MRNIP: variants seen among roughly 807,000 people sequenced by gnomAD.
MRNIP encodes the protein MRN complex interacting protein.
In MRNIP, 30 loss-of-function variants were observed where a neutral mutation model predicts 29.8. The ratio of observed to expected loss-of-function variants is 1.01; its 90% CI spans 0.75 to 1.36. The LOEUF (loss-of-function observed/expected upper bound fraction) is 1.36, where lower values mean the gene tolerates loss of function less well. MRNIP is among the 40% of genes most tolerant of loss of function. MRNIP has a pLI of 0.00. For missense variants in MRNIP, 459 were observed against 423.5 expected (o/e 1.08, Z -0.74); for synonymous variants, 201 against 164.1 (o/e 1.23, Z -1.72).
Position 179,853,445 on chromosome 5 carries a change from G to C in MRNIP, c.67-8C>G, listed in dbSNP as rs1450847453. The C allele has an allele frequency of 6.2e-7, 1 of 1,601,332 alleles. No homozygotes were observed. The highest frequency in any genetic ancestry group is 8.5e-7 in the Non-Finnish European group (1 of 1,171,246). On this transcript the variant is annotated splice_region_variant and splice_polypyrimidine_tract_variant and intron_variant, in intron 1 of 6. Coordinates refer to ENST00000292586, the MANE Select transcript of MRNIP (RefSeq NM_016175.4). ...CTTGACACTCTTTTTTACCTGCAAT[G>C]AAATTTCAGAAATACAACTCAGATA...
chr5:179,838,348 G>C (rs1758710580), intron 6 of MRNIP: 1 of 178,332 alleles, frequency 5.6e-6, no homozygotes, highest in Admixed American at 5.4e-5. Context: ...CTGGGGTCTG[G>C]CTTCTCTCAC....
At chr5:179,852,137 T>C (rs973695048) in intron 2 of MRNIP, among the ~76,000 whole-genome samples, 14 of 151,462 alleles carry the variant, frequency 9.2e-5, no homozygotes, top group Non-Finnish European at 1.9e-4. Flanking sequence ...AAAAAACAAA[T>C]TAGCTGGGTG....
rs1368150911 is a variant in MRNIP, at chr5:179,837,574, G to A, written c.849C>T (p.Val283=). 1.2e-6 allele frequency: 2 copies of A among 1,614,188 alleles called. No individual in the cohort carries two copies. Among genetic ancestry groups the A allele is most frequent in the Admixed American group, 3.3e-5 (2 of 60,036 alleles). ...CGGGGTGTGTGGCCCGAGGAAGCTG[G>A]ACAGCGGCAGTGGGCCTGCTGAGGC... ...REGLSRPTAA[V]QLPRATHPVT... The change falls in exon 7 of 7, where the codon GTC becomes GTT. Residue 283 remains valine, a synonymous_variant. Coordinates refer to ENST00000292586, the MANE Select transcript of MRNIP (RefSeq NM_016175.4).
At chr5:179,857,436 G>A (rs1198856378) in intron 1 of MRNIP, among the ~76,000 whole-genome samples, 1 of 152,000 alleles carries the variant, frequency 6.6e-6, no homozygotes, top group African/African-American at 2.4e-5. Context: ...ACTCCAGCCT[G>A]GCGACAGAGT....
At chr5:179,855,027 G>C (rs1227872042) in intron 1 of MRNIP, among the ~76,000 whole-genome samples, 1 of 152,138 alleles carries the variant, frequency 6.6e-6, no homozygotes, top group Non-Finnish European at 1.5e-5. Context: ...AATTATAAAG[G>C]AGCGGAAAAC....
intron 6 of MRNIP, chr5:179,840,668 G>A (rs1207240619): frequency 1.7e-6 from 1 of 604,662 alleles, no homozygotes; most frequent in African/African-American, 1.9e-5. Context: ...TTACCCTCAT[G>A]GGAGACGAGA....
At position 179,844,132 on chromosome 5, in the gene MRNIP, C is replaced by T. The variant is rs898643820; in HGVS notation, c.291+20G>A. ...TCCCTGACACAGAGCCAGCCTGGGG[C>T]AGGTGGGCCTGAGGCTTACCTGCTG... On this transcript the variant is annotated intron_variant, in intron 4 of 6. Coordinates refer to ENST00000292586, the MANE Select transcript of MRNIP (RefSeq NM_016175.4). 7.5e-6 allele frequency: 12 copies of T among 1,610,316 alleles called. No homozygotes were observed. The highest frequency in any genetic ancestry group is 1.0e-5 in the Non-Finnish European group (12 of 1,176,728).
chr5:179,852,356 C>T (rs1308683953), intron 2 of MRNIP, among the ~76,000 whole-genome samples: 4 of 151,852 alleles, frequency 2.6e-5, no homozygotes, highest in South Asian at 2.1e-4. Flanking sequence ...CAGTAAACAG[C>T]TGGTCACGTG....
intron 6 of MRNIP, chr5:179,838,596 A>C (rs1195781809): frequency 6.5e-6 from 1 of 152,740 alleles, no homozygotes; most frequent in Non-Finnish European, 1.5e-5. Flanking sequence ...GAATCACTTG[A>C]ACCTGGGAGG....
chr5:179,857,065 C>T (rs899896236), intron 1 of MRNIP, among the ~76,000 whole-genome samples: 10 of 151,954 alleles, frequency 6.6e-5, no homozygotes, highest in African/African-American at 2.4e-4. Flanking sequence ...CCAATCTGGG[C>T]GACAAAGCGA....
intron 1 of MRNIP, among the ~76,000 whole-genome samples, chr5:179,857,588 C>A (rs1457638582): frequency 6.6e-6 from 1 of 152,144 alleles, no homozygotes; most frequent in Admixed American, 6.5e-5. Context: ...CTCTTAGGAC[C>A]CAGCTCCCGA....
intron 1 of MRNIP, among the ~76,000 whole-genome samples, chr5:179,856,629 T>C (rs1178184526): frequency 6.6e-6 from 1 of 152,040 alleles, no homozygotes; most frequent in Non-Finnish European, 1.5e-5. Context: ...CGCCACTACA[T>C]CTAGCTATTT....
chr5:179,849,897 C>T (rs1027137547), intron 2 of MRNIP, among the ~76,000 whole-genome samples: 15 of 61,826 alleles, frequency 2.4e-4, no homozygotes, highest in African/African-American at 4.3e-4. Flanking sequence ...GCAGATGGTA[C>T]GAGACGGAAT....
intron 2 of MRNIP, among the ~76,000 whole-genome samples, chr5:179,850,711 G>A (rs1759331339): frequency 6.6e-6 from 1 of 152,228 alleles, no homozygotes; most frequent in South Asian, 2.1e-4. Flanking sequence ...CAGTAGCGGT[G>A]TGCTCTTCCA....
At chr5:179,854,064 A>T (rs1759486708) in intron 1 of MRNIP, among the ~76,000 whole-genome samples, 1 of 139,886 alleles carries the variant, frequency 7.1e-6, no homozygotes, top group Non-Finnish European at 1.5e-5. Context: ...TCTGCTGCCC[A>T]GGCTGGAGTG....
chr5:179,847,872 C>T (rs1759197960), intron 3 of MRNIP, 106 bp downstream of exon 3: 1 of 793,192 alleles, frequency 1.3e-6, no homozygotes, highest in Admixed American at 2.3e-5. Context: ...TGGGGCAGGT[C>T]CAGCCACAGC....
At chr5:179,848,193 C>T (rs1360605602) in intron 2 of MRNIP, 127 bp from the exon 3 acceptor site, 6 of 714,690 alleles carry the variant, frequency 8.4e-6, no homozygotes, top group Non-Finnish European at 1.5e-5. Flanking sequence ...CCTAAAGCAG[C>T]ATGCAGGAAT....
chr5:179,850,903 AGTGGCT>A (rs1759340723), intron 2 of MRNIP, among the ~76,000 whole-genome samples: 1 of 19,426 alleles, frequency 5.1e-5, no homozygotes, highest in Non-Finnish European at 7.1e-5. Flanking sequence ...TGCCCTTCTC[AGTGGCT>A]AGAAGCACAG....
intron 3 of MRNIP, chr5:179,845,913 T>C (rs1408686441): frequency 6.6e-6 from 1 of 152,232 alleles, no homozygotes; most frequent in Non-Finnish European, 1.5e-5. Flanking sequence ...GGCTAGGTGG[T>C]GTCCCCTTCT....
Sources: allele counts gnomAD v4.1 joint callset (sites outside exome capture counted in the v4.1 genomes callset), GRCh38; gene constraint gnomAD v4.1.1; transcripts MANE v1.5; gene names NCBI Gene and HGNC (gene_info 2026-07-23, HGNC 2026-07-21).